Variants in HSPH1 observed in about 807,000 individuals in gnomAD.
The protein encoded by HSPH1 is heat shock protein family H (Hsp110) member 1.
In HSPH1, 40 loss-of-function variants were observed where a neutral mutation model predicts 100.0. The observed-to-expected ratio is 0.40, with a 90% CI of 0.31 to 0.52. The LOEUF is 0.52. HSPH1 is among the 20% of genes least tolerant of loss of function. HSPH1 has a pLI of 0.54. For synonymous variants in HSPH1, 403 were observed against 344.0 expected (o/e 1.17, Z -1.90); for missense variants, 876 against 1,015.1 (o/e 0.86, Z 1.86).
chr13:31,145,430 A>T (rs1956233217), intron 11 of HSPH1, 133 bp downstream of exon 11: 1 of 672,514 alleles, frequency 1.5e-6, no homozygotes, highest in East Asian at 2.7e-5. Flanking sequence ...AAGCGCTATT[A>T]TCATTACCTA....
intron 12 of HSPH1, among the ~76,000 whole-genome samples, chr13:31,142,941 G>A (rs889185984): frequency 6.6e-6 from 1 of 152,072 alleles, no homozygotes; most frequent in Non-Finnish European, 1.5e-5. Context: ...AGGACCCATA[G>A]CTCACATTGG....
chr13:31,137,017 A>T lies in HSPH1; in HGVS notation c.*301T>A. 1 of 493,202 alleles carries T rather than the reference A, an allele frequency of 2.0e-6. No individual in the cohort carries two copies. 30.6% of individuals were successfully genotyped at this position (493,202 alleles called of 1,614,324 possible). A position where few individuals can be genotyped will look rare whatever the true frequency, so the allele number is the denominator to read the frequency against. Reference sequence around the variant, plus strand: ...CACAGCCCTCTTGAACAAGCAGTACAGTTTTTTTTCTCCAAAAGACAAAAG... The same window carrying T: ...CACAGCCCTCTTGAACAAGCAGTACTGTTTTTTTTCTCCAAAAGACAAAAG... On this transcript the variant is annotated 3_prime_UTR_variant, in exon 18 of 18. Coordinates refer to ENST00000320027, the MANE Select transcript of HSPH1 (RefSeq NM_006644.4).
intron 1 of HSPH1, 119 bp downstream of exon 1, chr13:31,161,356 GC>G (rs1222451833): frequency 1.3e-6 from 2 of 1,481,940 alleles, no homozygotes; most frequent in African/African-American, 2.8e-5. Flanking sequence ...ACGGAGGGGT[GC>G]GCCGCTGCCC....
intron 11 of HSPH1, among the ~76,000 whole-genome samples, chr13:31,144,854 A>T (rs1454298188): frequency 1.3e-5 from 2 of 152,202 alleles, no homozygotes; most frequent in Non-Finnish European, 2.9e-5. Context: ...ACGGTTCAGA[A>T]TGTTTATGTT....
rs749448271 is a variant in HSPH1, at chr13:31,155,632, G to A, written c.188C>T (p.Thr63Met). 6.2e-7 allele frequency: 1 copy of A among 1,606,100 alleles called. No homozygotes were observed. The highest frequency in any genetic ancestry group is 8.5e-7 in the Non-Finnish European group (1 of 1,176,392). ...KNQQITHANNTVSNFKRFHGR... is the reference protein window; with the variant it reads ...KNQQITHANNMVSNFKRFHGR... ...ATGAAATCTTTTGAAGTTAGACACCGTATTGTTTGCATGAGTGATTTGCTG... is the reference window on the plus strand; with the variant it reads ...ATGAAATCTTTTGAAGTTAGACACCATATTGTTTGCATGAGTGATTTGCTG... The change falls in exon 3 of 18, where the codon ACG becomes ATG. Residue 63 changes from threonine (T) to methionine (M), a missense_variant. Thr to Met is a moderately conservative substitution (Grantham distance 81). Coordinates refer to ENST00000320027, the MANE Select transcript of HSPH1 (RefSeq NM_006644.4).
At chr13:31,138,123 G>A (rs1955952767) in intron 17 of HSPH1, among the ~76,000 whole-genome samples, 2 of 151,986 alleles carry the variant, frequency 1.3e-5, no homozygotes, top group South Asian at 4.1e-4. Context: ...TAAGGGCAGA[G>A]ACTACACTTT....
Position 31,152,886 on chromosome 13 carries a change from T to A in HSPH1, c.495A>T (p.Leu165=), listed in dbSNP as rs975257776. ...SVLDAAQIVG[L]NCLRLMNDMT... ...TGTCATTCATAAGTCTTAAACAGTT[T>A]AGGCCAACAATCTGTGCAGCATCTA... The change falls in exon 5 of 18, where the codon CTA becomes CTT. Residue 165 remains leucine (L), a synonymous_variant. Coordinates refer to ENST00000320027, the MANE Select transcript of HSPH1 (RefSeq NM_006644.4). 3.1e-6 allele frequency: 5 copies of A among 1,612,660 alleles called. No individual in the cohort carries two copies. The highest frequency in any genetic ancestry group is 1.7e-5 in the Admixed American group (1 of 59,978).
chr13:31,157,432 C>CA (rs1211143915), intron 2 of HSPH1, among the ~76,000 whole-genome samples: 1 of 152,174 alleles, frequency 6.6e-6, no homozygotes, highest in African/African-American at 2.4e-5. Flanking sequence ...CCTACATATT[C>CA]AAAGGATTAG....
intron 5 of HSPH1, 106 bp downstream of exon 5, chr13:31,152,746 G>T (rs893263985): frequency 1.3e-6 from 1 of 746,304 alleles, no homozygotes; most frequent in Non-Finnish European, 2.3e-6. Flanking sequence ...AATCTGACTT[G>T]ACTTTTTAAC....
chr13:31,155,443 T>C, intron 3 of HSPH1, 71 bp downstream of exon 3: 1 of 1,247,462 alleles, frequency 8.0e-7, no homozygotes, highest in East Asian at 2.4e-5. Context: ...ATTTAAGTAA[T>C]AACTCAAATA....
chr13:31,142,542 G>C lies in HSPH1; in HGVS notation c.1716+1250C>G, dbSNP rs201416394. Among the ~76,000 whole-genome samples, 5 of 152,088 alleles carry C rather than the reference G, an allele frequency of 3.3e-5. No individual in the cohort carries two copies. The East Asian group carries it at 7.7e-4, about 23-fold the overall frequency. On this transcript the variant is annotated intron_variant, in intron 12 of 17. Transcript: ENST00000320027. ...GACACTGGAGAGCAACAGATGTTGGGAAACAAATGGATAACAGCACATGTA... is the reference window on the plus strand; with the variant it reads ...GACACTGGAGAGCAACAGATGTTGGCAAACAAATGGATAACAGCACATGTA...
Position 31,150,930 on chromosome 13 carries a change from T to C in HSPH1, c.908+17A>G. 1.9e-6 allele frequency: 3 copies of C among 1,598,938 alleles called. No homozygotes were observed. The highest frequency in any genetic ancestry group is 2.6e-6 in the Non-Finnish European group (3 of 1,172,924). ...AAAGAAGTTCCATCTATTTAATCTGTAGAATTCAAGACACACCTGTTCATC... is the reference window on the plus strand; with the variant it reads ...AAAGAAGTTCCATCTATTTAATCTGCAGAATTCAAGACACACCTGTTCATC... On this transcript the variant is annotated intron_variant, in intron 7 of 17. Coordinates refer to ENST00000320027, the MANE Select transcript of HSPH1 (RefSeq NM_006644.4).
At chr13:31,149,718 AT>A (rs2137597226) in intron 8 of HSPH1, among the ~76,000 whole-genome samples, 2 of 152,302 alleles carry the variant, frequency 1.3e-5, no homozygotes, top group African/African-American at 4.8e-5. Flanking sequence ...TATCCTCAGA[AT>A]CATGCCTGTT....
chr13:31,160,006 T>C (rs868747649), intron 1 of HSPH1, among the ~76,000 whole-genome samples: 1 of 152,094 alleles, frequency 6.6e-6, no homozygotes, highest in African/African-American at 2.4e-5. Context: ...GCTGATACAA[T>C]AGAATCCACC....
chr13:31,141,325 T>C (rs749958427), intron 12 of HSPH1, 66 bp from the exon 13 acceptor site: 39 of 1,372,532 alleles, frequency 2.8e-5, no homozygotes, highest in Non-Finnish European at 3.7e-5. Flanking sequence ...ACAAAAAAAA[T>C]GTCCTCATAC....
In HSPH1 at chr13:31,145,643, G is replaced by T; in HGVS notation, c.1504C>A (p.Pro502Thr). ...GAAGACATTTCATTCTCCTCAGTTG[G>T]GACTTTCTCCACCATAGATGCCGTA... ...ISTASMVEKV[P>T]TEENEMSSEA... is the part of the protein sequence containing the mutation. Residue 502 changes from proline (P) to threonine (T), a missense_variant, in exon 11 of 18, where the codon CCA (proline) becomes ACA (threonine). Coordinates refer to ENST00000320027, the MANE Select transcript of HSPH1 (RefSeq NM_006644.4). 2 of 1,613,472 alleles carry T rather than the reference G, an allele frequency of 1.2e-6. No individual in the cohort carries two copies. The highest frequency in any genetic ancestry group is 1.7e-6 in the Non-Finnish European group (2 of 1,179,748).
At chr13:31,149,453 T>C (rs1266191685) in intron 8 of HSPH1, among the ~76,000 whole-genome samples, 2 of 152,212 alleles carry the variant, frequency 1.3e-5, no homozygotes, top group Non-Finnish European at 2.9e-5. Flanking sequence ...CTTCTAGATT[T>C]GGTGTTTTTC....
In HSPH1 at chr13:31,143,897, T is replaced by G; in HGVS notation, c.1611A>C (p.Glu537Asp). 6.2e-7 allele frequency: 1 copy of G among 1,607,182 alleles called. No homozygotes were observed. Among genetic ancestry groups the G allele is most frequent in the Non-Finnish European group, 8.5e-7 (1 of 1,176,474 alleles). The stretch of plus-strand genomic sequence containing the variant: ...TTTGTACCTGGGGCTGTGTTCCAGC[T>G]TCACTGTTGTCTTGCTGGACATTTT... Reference protein sequence around the residue: ...TDKNVQQDNSEAGTQPQVQTD... With the variant: ...TDKNVQQDNSDAGTQPQVQTD... Residue 537 changes from glutamate (E) to aspartate (D), a missense_variant, in exon 12 of 18, where the codon GAA (glutamate) becomes GAC (aspartate). Physicochemically the swap from Glu to Asp is conservative, Grantham distance 45. Transcript: ENST00000320027.
intron 4 of HSPH1, chr13:31,153,981 T>C (rs1956582864): frequency 6.6e-6 from 1 of 152,398 alleles, no homozygotes. Context: ...CATTCATTCA[T>C]AAAGGCTTGT....
Sources: allele counts gnomAD v4.1 joint callset (sites outside exome capture counted in the v4.1 genomes callset), GRCh38; gene constraint gnomAD v4.1.1; transcripts MANE v1.5; gene names NCBI Gene and HGNC (gene_info 2026-07-23, HGNC 2026-07-21).